The following SEMA3C variants were observed in gnomAD, a reference collection of about 807,000 sequenced individuals.
The protein encoded by SEMA3C is semaphorin 3C.
Under a neutral mutation model 89.4 loss-of-function variants are expected in SEMA3C, and 47 were observed. That is an observed-to-expected ratio of 0.53 (90% CI 0.42 to 0.67). SEMA3C has a LOEUF of 0.67. SEMA3C is among the 30% of genes least tolerant of loss of function. The pLI is 0.00. For synonymous variants in SEMA3C, 310 were observed against 320.2 expected (o/e 0.97, Z 0.34); for missense variants, 839 against 929.1 (o/e 0.90, Z 1.26).
At chr7:80,799,861 A>G (rs1214027397) in intron 10 of SEMA3C, among the ~76,000 whole-genome samples, 2 of 150,416 alleles carry the variant, frequency 1.3e-5, no homozygotes, top group Non-Finnish European at 3.0e-5. Context: ...CTTAAAAAAA[A>G]AAAAAAATGG....
upstream of SEMA3C, among the ~76,000 whole-genome samples, chr7:80,920,785 G>C (rs1213325682): frequency 6.6e-6 from 1 of 152,198 alleles, no homozygotes; most frequent in African/African-American, 2.4e-5. Context: ...TTAAAATCCA[G>C]ATGTCAATGT....
At chr7:80,894,719 A>G (rs1791692713) in intron 2 of SEMA3C, among the ~76,000 whole-genome samples, 1 of 151,878 alleles carries the variant, frequency 6.6e-6, no homozygotes, top group Non-Finnish European at 1.5e-5. Context: ...ATCCTAATTT[A>G]CCTTTCATAA....
chr7:80,793,320 G>A (rs1788986411), intron 11 of SEMA3C: 1 of 239,316 alleles, frequency 4.2e-6, no homozygotes, highest in Non-Finnish European at 8.3e-6. Flanking sequence ...GCTGCCTTCT[G>A]AAGTTTCTAA....
intron 5 of SEMA3C, 152 bp downstream of exon 5, chr7:80,818,147 G>T: frequency 1.5e-6 from 1 of 685,222 alleles, no homozygotes; most frequent in Non-Finnish European, 2.3e-6. Context: ...CAAGTAACTT[G>T]GCAGACAGGA....
intron 12 of SEMA3C, among the ~76,000 whole-genome samples, chr7:80,772,105 G>C (rs1321747128): frequency 6.6e-6 from 1 of 152,086 alleles, no homozygotes; most frequent in African/African-American, 2.4e-5. Context: ...CAAAATATTT[G>C]CTTGGCAAAT....
chr7:80,865,608 C>T (rs1220364057), intron 2 of SEMA3C, among the ~76,000 whole-genome samples: 1 of 151,900 alleles, frequency 6.6e-6, no homozygotes, highest in African/African-American at 2.4e-5. Flanking sequence ...GCCAACATGG[C>T]GAAACCCCGT....
chr7:80,828,842 C>T, intron 2 of SEMA3C, 97 bp from the exon 3 acceptor site: 4 of 948,720 alleles, frequency 4.2e-6, no homozygotes, highest in South Asian at 4.4e-5. Flanking sequence ...CAAAAAATGT[C>T]AAGGTACATT....
intron 6 of SEMA3C, among the ~76,000 whole-genome samples, chr7:80,807,052 A>T (rs1249880459): frequency 3.3e-5 from 5 of 151,942 alleles, no homozygotes; most frequent in Non-Finnish European, 5.9e-5. Flanking sequence ...TAGGGAGATA[A>T]CAAAAATGTG....
At position 80,761,650 on chromosome 7, in the gene SEMA3C, G is replaced by T; in HGVS notation, c.1451C>A (p.Ala484Asp). The T allele has an allele frequency of 7.5e-7, 1 of 1,334,776 alleles. No homozygotes were observed. Among genetic ancestry groups the T allele is most frequent in the Non-Finnish European group, 1.0e-6 (1 of 970,234 alleles). 82.7% of individuals were successfully genotyped at this position (1,334,776 alleles called of 1,614,324 possible). The change falls in exon 14 of 18, where the codon GCT (alanine) becomes GAT (aspartate). Residue 484 changes from alanine to aspartate, a missense_variant. Transcript: ENST00000265361. ...LEELEVFKNH[A>D]PITTMKISSK... ...TGAAATTTTCATTGTTGTTATAGGA[G>T]CATGATTCTAAAATATTAGAAAACA...
intron 2 of SEMA3C, among the ~76,000 whole-genome samples, chr7:80,848,345 T>C (rs911711022): frequency 3.3e-5 from 5 of 152,196 alleles, no homozygotes; most frequent in Non-Finnish European, 7.3e-5. Flanking sequence ...CTCTTGATTG[T>C]AGTCCTCTAC....
intron 2 of SEMA3C, among the ~76,000 whole-genome samples, chr7:80,864,007 G>GTATATCACATATATATCA (rs1562912472): frequency 1.5e-4 from 22 of 145,774 alleles, no homozygotes; most frequent in African/African-American, 5.3e-4. Context: ...CATATATATC[G>GTATATCACATATATATCA]CATGTATATC....
At chr7:80,807,750 T>C (rs1406586925) in intron 6 of SEMA3C, among the ~76,000 whole-genome samples, 2 of 152,188 alleles carry the variant, frequency 1.3e-5, no homozygotes, top group African/African-American at 4.8e-5. Context: ...ATTCTAATTC[T>C]TCAGGTTTCT....
intron 4 of SEMA3C, among the ~76,000 whole-genome samples, chr7:80,822,245 G>A (rs747359426): frequency 2.6e-5 from 4 of 152,062 alleles, no homozygotes; most frequent in Admixed American, 6.6e-5. Context: ...TAAATGTACC[G>A]TAGAAGGAAA....
At chr7:80,832,817 GA>G (rs772030473) in intron 2 of SEMA3C, among the ~76,000 whole-genome samples, 1 of 152,088 alleles carries the variant, frequency 6.6e-6, no homozygotes, top group Non-Finnish European at 1.5e-5. Context: ...TCTGTTATAT[GA>G]AATAAAAAGA....
At chr7:80,922,146 G>C, upstream of SEMA3C, 1 of 667,626 alleles carries the variant, frequency 1.5e-6, no homozygotes, top group Non-Finnish European at 2.2e-6. Flanking sequence ...TTCAATGAGA[G>C]AACGTTGAAG....
At chr7:80,789,582 T>C in intron 11 of SEMA3C, 54 bp from the exon 12 acceptor site, 2 of 1,293,592 alleles carry the variant, frequency 1.5e-6, no homozygotes, top group Admixed American at 2.7e-5. Flanking sequence ...CTTGTTCTAG[T>C]AATAATCAAA....
At chr7:80,770,391 T>C (rs1469442748) in intron 12 of SEMA3C, among the ~76,000 whole-genome samples, 1 of 152,202 alleles carries the variant, frequency 6.6e-6, no homozygotes, top group Admixed American at 6.5e-5. Context: ...CAACTATAAA[T>C]CCTTTTTAGT....
chr7:80,748,382 C>G (rs1787846949), intron 17 of SEMA3C, among the ~76,000 whole-genome samples: 1 of 152,100 alleles, frequency 6.6e-6, no homozygotes, highest in Non-Finnish European at 1.5e-5. Flanking sequence ...ACAATGCTCC[C>G]ATAAACAATG....
chr7:80,805,779 A>T, intron 6 of SEMA3C, 21 bp from the exon 7 acceptor site: 1 of 1,551,470 alleles, frequency 6.4e-7, no homozygotes, highest in Non-Finnish European at 8.8e-7. Context: ...GAAAATATCA[A>T]TGAAATGTAA....
Sources: gnomAD v4.1 joint callset for allele counts (sites outside exome capture counted in the v4.1 genomes callset) on GRCh38, gnomAD v4.1.1 for gene constraint, MANE v1.5 for transcripts, NCBI Gene and HGNC (gene_info 2026-07-23, HGNC 2026-07-21) for gene names.